The following GNAQ variants were observed in gnomAD, a reference collection of about 807,000 sequenced individuals.
GNAQ encodes the protein guanine nucleotide-binding protein G(q) subunit alpha.
Under a neutral mutation model 43.9 loss-of-function variants are expected in GNAQ, and 8 were observed. That is an observed-to-expected ratio of 0.18 (90% CI 0.11 to 0.33). GNAQ has a LOEUF of 0.33. GNAQ is among the 10% of genes least tolerant of loss of function. The pLI is 1.00. For missense variants in GNAQ, 158 were observed against 450.8 expected, an observed-to-expected ratio of 0.35 and a Z score of 5.88; for synonymous variants, 155 against 170.7, an observed-to-expected ratio of 0.91 and a Z score of 0.71.
chr9:77,930,208 T>A (rs543871416), intron 1 of GNAQ, among the ~76,000 whole-genome samples: 1 of 152,296 alleles, frequency 6.6e-6, no homozygotes, highest in African/African-American at 2.4e-5. Context: ...ACCTCACTTT[T>A]GAAAAGACTA....
At chr9:77,884,628 A>G (rs1828271928) in intron 2 of GNAQ, among the ~76,000 whole-genome samples, 1 of 152,034 alleles carries the variant, frequency 6.6e-6, no homozygotes, top group Non-Finnish European at 1.5e-5. Context: ...CTCCACCTAT[A>G]CCTGTTGTCA....
chr9:77,995,549 G>T (rs1823558231), intron 1 of GNAQ, among the ~76,000 whole-genome samples: 1 of 152,046 alleles, frequency 6.6e-6, no homozygotes, highest in East Asian at 1.9e-4. Flanking sequence ...TGAGTGCAGT[G>T]GTGGGATCAT....
chr9:77,944,766 T>C (rs1829363543), intron 1 of GNAQ, among the ~76,000 whole-genome samples: 1 of 152,222 alleles, frequency 6.6e-6, no homozygotes, highest in African/African-American at 2.4e-5. Context: ...ACACACTGCC[T>C]CTTTAAAGCA....
intron 1 of GNAQ, among the ~76,000 whole-genome samples, chr9:78,017,040 C>T (rs374313390): frequency 4.6e-5 from 7 of 152,152 alleles, no homozygotes; most frequent in East Asian, 1.9e-4. Context: ...AATCATACAG[C>T]GTGCAAAAAT....
At chr9:77,750,883 G>A (rs888449967) in intron 5 of GNAQ, among the ~76,000 whole-genome samples, 2 of 152,098 alleles carry the variant, frequency 1.3e-5, no homozygotes, top group African/African-American at 4.8e-5. Flanking sequence ...ATAAATTTTT[G>A]TTGGTTAAAA....
chr9:77,827,476 T>C (rs756485), intron 2 of GNAQ, among the ~76,000 whole-genome samples: 90,715 of 151,522 alleles, frequency 0.6, 28,166 homozygotes, highest in Middle Eastern at 0.7. Context: ...AGCTATATAT[T>C]TATTTTTGAA....
chr9:77,953,554 C>T (rs1464254340), intron 1 of GNAQ, among the ~76,000 whole-genome samples: 8 of 152,006 alleles, frequency 5.3e-5, no homozygotes, highest in African/African-American at 1.7e-4. Flanking sequence ...GGGGATGAGC[C>T]GGAATTAGAA....
At chr9:77,989,386 A>G (rs1823481291) in intron 1 of GNAQ, among the ~76,000 whole-genome samples, 1 of 152,158 alleles carries the variant, frequency 6.6e-6, no homozygotes, top group Admixed American at 6.5e-5. Flanking sequence ...CCTGAATTGG[A>G]CCATTGCTGC....
chr9:77,799,327 C>G (rs904449468), intron 3 of GNAQ, among the ~76,000 whole-genome samples: 3 of 152,162 alleles, frequency 2.0e-5, no homozygotes, highest in Admixed American at 2.0e-4. Context: ...TTCTAAGATA[C>G]ATAACAAGGA....
At chr9:77,966,694 T>C (rs991911312) in intron 1 of GNAQ, among the ~76,000 whole-genome samples, 5 of 152,318 alleles carry the variant, frequency 3.3e-5, no homozygotes, top group Non-Finnish European at 5.9e-5. Context: ...AAGATACTCA[T>C]GAGGGGAAAG....
At chr9:77,840,320 T>G (rs1827467878) in intron 2 of GNAQ, among the ~76,000 whole-genome samples, 1 of 152,052 alleles carries the variant, frequency 6.6e-6, no homozygotes, top group Non-Finnish European at 1.5e-5. Context: ...CAAATGGGTA[T>G]TTGGTGCAGA....
At chr9:78,030,439 A>G in intron 1 of GNAQ, 1 of 457,712 alleles carries the variant, frequency 2.2e-6, no homozygotes, top group Admixed American at 2.4e-5. Flanking sequence ...TGTGTGACAC[A>G]TTTGGGCTTG....
At chr9:77,958,888 C>T (rs981456074) in intron 1 of GNAQ, among the ~76,000 whole-genome samples, 1 of 152,158 alleles carries the variant, frequency 6.6e-6, no homozygotes, top group Admixed American at 6.5e-5. Flanking sequence ...TGGCAAACTC[C>T]TCAATTCTTT....
At chr9:77,950,676 G>A (rs975700125) in intron 1 of GNAQ, among the ~76,000 whole-genome samples, 4 of 152,184 alleles carry the variant, frequency 2.6e-5, no homozygotes, top group African/African-American at 4.8e-5. Context: ...TAATGAGCAC[G>A]CACAGCATTT....
At position 77,863,220 on chromosome 9, in the gene GNAQ, G is replaced by GAAAGGA. The variant is rs1827888476; in HGVS notation, c.322-47451_322-47450insTCCTTT. ...GAAGGAAGGAAGGAAGGAAGGAAGG[G>GAAAGGA]AGGAAGGAAGAAAGGAAGGAAGGAA... On this transcript the variant is annotated intron_variant, in intron 2 of 6. Transcript: ENST00000286548. Among the ~76,000 whole-genome samples the GAAAGGA allele has an allele frequency of 3.8e-4, 13 of 34,334 alleles. 1 individual carries two copies. Among genetic ancestry groups the GAAAGGA allele is most frequent in the African/African-American group, 7.4e-4 (13 of 17,634 alleles). 22.5% of individuals were successfully genotyped at this position (34,334 alleles called of 152,430 possible).
intron 1 of GNAQ, among the ~76,000 whole-genome samples, chr9:77,966,682 C>T (rs1285913484): frequency 6.6e-6 from 1 of 152,126 alleles, no homozygotes; most frequent in Non-Finnish European, 1.5e-5. Flanking sequence ...AAATTCAATG[C>T]TAAGATACTC....
chr9:77,822,317 TTGAC>T (rs1827130725), intron 2 of GNAQ, among the ~76,000 whole-genome samples: 1 of 152,172 alleles, frequency 6.6e-6, no homozygotes, highest in African/African-American at 2.4e-5. Flanking sequence ...AAACAACTCA[TTGAC>T]TGATTTCTCC....
chr9:77,788,340 A>G (rs1414237978), intron 5 of GNAQ, among the ~76,000 whole-genome samples: 1 of 152,218 alleles, frequency 6.6e-6, no homozygotes, highest in Non-Finnish European at 1.5e-5. Context: ...TAAATGAAAC[A>G]GAGTCATGTG....
At chr9:77,870,019 T>C (rs1466474104) in intron 2 of GNAQ, among the ~76,000 whole-genome samples, 2 of 152,342 alleles carry the variant, frequency 1.3e-5, no homozygotes, top group South Asian at 4.1e-4. Flanking sequence ...TTTGAGGTCT[T>C]TGAATCACCT....
Sources: gnomAD v4.1 joint callset for allele counts (sites outside exome capture counted in the v4.1 genomes callset) on GRCh38, gnomAD v4.1.1 for gene constraint, MANE v1.5 for transcripts, NCBI Gene and HGNC (gene_info 2026-07-23, HGNC 2026-07-21) for gene names.